MMP10: variants seen among roughly 807,000 people sequenced by gnomAD.
MMP10 encodes stromelysin-2.
In MMP10, 50 loss-of-function variants were observed where a neutral mutation model predicts 49.1. The observed-to-expected ratio is 1.02, with a 90% CI of 0.81 to 1.29. MMP10 has a LOEUF of 1.29. MMP10 is among the 50% of genes most tolerant of loss of function. The pLI is 0.00. For missense variants in MMP10, 613 were observed against 563.8 expected, an observed-to-expected ratio of 1.09 and a Z score of -0.88; for synonymous variants, 229 against 201.6, an observed-to-expected ratio of 1.14 and a Z score of -1.15.
In MMP10 at chr11:102,776,632, T is replaced by C; in HGVS notation, c.767A>G (p.Asn256Ser). Residue 256 changes from asparagine (N) to serine (S), a missense_variant, in exon 5 of 10, where the codon AAT (asparagine) becomes AGT (serine). Transcript: ENST00000279441. ...AQFRLSQDDV[N>S]GIQSLYGPPP... ...CTCACCGTAGAGAGACTGAATGCCATTCACATCATCTTGCGAAAGGCGGAA... is the reference window on the plus strand; with the variant it reads ...CTCACCGTAGAGAGACTGAATGCCACTCACATCATCTTGCGAAAGGCGGAA... 6.2e-7 allele frequency: 1 copy of C among 1,613,434 alleles called. No individual in the cohort carries two copies. The highest frequency in any genetic ancestry group is 2.2e-5 in the East Asian group (1 of 44,888).
chr11:102,771,174 G>A lies in MMP10; in HGVS notation c.1331-281C>T, dbSNP rs151319976. On this transcript the variant is annotated intron_variant, in intron 9 of 9. Transcript: ENST00000279441. ...AAGGAGGGAGGACTCCATCTCATCT[G>A]ACTCCAAAGGAAGTGCTCTAAAACA... is the stretch of plus-strand genomic sequence containing the variant. Among the ~76,000 whole-genome samples the A allele has an allele frequency of 1.6e-3, 244 of 152,298 alleles. 8 individuals carry two copies. In the East Asian group the frequency reaches 0.044, roughly 27 times the overall value.
Position 102,772,123 on chromosome 11 carries a change from A to G in MMP10, c.1227-8T>C, listed in dbSNP as rs781378869. 6.6e-7 allele frequency: 1 copy of G among 1,521,220 alleles called. No homozygotes were observed. The highest frequency in any genetic ancestry group is 9.1e-7 in the Non-Finnish European group (1 of 1,096,484). The allele number at this position is 1,521,220 out of a possible 1,614,324, so 94.2% of individuals were successfully genotyped here. On this transcript the variant is annotated splice_region_variant and splice_polypyrimidine_tract_variant and intron_variant, in intron 8 of 9. Transcript: ENST00000279441. This position sits in a 1 kb window ranked among gnomAD's most constrained non-coding sequence, Gnocchi z 4.4. ...TGGCTATTTTCATCAAATCTAAACC[A>G]AATGAAAGAAATACAGTTCAATGAT... is the stretch of plus-strand genomic sequence containing the variant.
At chr11:102,776,853 G>C (rs914323713) in intron 4 of MMP10, 77 bp from the exon 5 acceptor site, 12 of 1,535,292 alleles carry the variant, frequency 7.8e-6, no homozygotes, top group Non-Finnish European at 1.1e-5. Flanking sequence ...TATGCCAGCT[G>C]TACAGGCCAT....
chr11:102,775,479 A>T lies in MMP10; in HGVS notation c.933-158T>A, dbSNP rs80334408. Reference sequence around the variant, plus strand: ...CCAGGGTAATGAAATCGATGGCAGGACTTGTGACTGGTTCCAGTAAAATTA... The same window carrying T: ...CCAGGGTAATGAAATCGATGGCAGGTCTTGTGACTGGTTCCAGTAAAATTA... On this transcript the variant is annotated intron_variant, in intron 6 of 9. Coordinates refer to ENST00000279441, the MANE Select transcript of MMP10 (RefSeq NM_002425.3). Among the ~76,000 whole-genome samples the T allele has an allele frequency of 7.2e-3, 1,093 of 152,286 alleles. 22 individuals carry two copies. The highest frequency in any genetic ancestry group is 0.025 in the African/African-American group (1,042 of 41,552).
intron 5 of MMP10, 74 bp downstream of exon 5, chr11:102,776,538 A>G (rs1857740122): frequency 5.1e-6 from 8 of 1,573,498 alleles, no homozygotes; most frequent in Non-Finnish European, 6.9e-6. Flanking sequence ...GAAATACTTT[A>G]GGTAGCACTG....
chr11:102,778,263 A>G (rs1857773782), intron 4 of MMP10, among the ~76,000 whole-genome samples: 1 of 152,204 alleles, frequency 6.6e-6, no homozygotes, highest in South Asian at 2.1e-4. Flanking sequence ...ACCTGAGGGC[A>G]AATGTTAGGA....
chr11:102,779,262 G>A lies in MMP10; in HGVS notation c.447C>T (p.Ser149=), dbSNP rs1412977455. ...VWEEVTPLTF[S]RLYEGEADIM... is the part of the protein sequence containing the mutation. ...TATCAGCCTCTCCTTCATACAGCCT[G>A]GAGAATGTGAGTGGAGTCACCTCTT... Residue 149 remains serine (S), a synonymous_variant, in exon 3 of 10, where the codon TCC becomes TCT. Transcript: ENST00000279441. 1 of 1,613,910 alleles carries A rather than the reference G, an allele frequency of 6.2e-7. No homozygotes were observed.
intron 6 of MMP10, 143 bp from the exon 7 acceptor site, chr11:102,775,464 G>A: frequency 5.1e-6 from 3 of 592,574 alleles, no homozygotes; most frequent in Non-Finnish European, 8.4e-6. Context: ...CCAGGGTAAT[G>A]AAATCGATGG....
At chr11:102,771,113 T>G (rs1372436678) in intron 9 of MMP10, among the ~76,000 whole-genome samples, 3 of 152,204 alleles carry the variant, frequency 2.0e-5, no homozygotes, top group African/African-American at 7.2e-5. Flanking sequence ...TTAAGACGGT[T>G]TTGTAATTTT....
chr11:102,773,091 A>G (rs1861990806), intron 7 of MMP10, 85 bp from the exon 8 acceptor site: 23 of 1,354,982 alleles, frequency 1.7e-5, no homozygotes, highest in Non-Finnish European at 2.3e-5. Context: ...GTAAAGAGGA[A>G]GGCTTGGTTT....
chr11:102,777,869 A>G (rs1857768068), intron 4 of MMP10, among the ~76,000 whole-genome samples: 2 of 151,968 alleles, frequency 1.3e-5, no homozygotes, highest in African/African-American at 4.8e-5. Flanking sequence ...GTACAGTGGT[A>G]CAATCTCGGC....
chr11:102,776,831 A>G, intron 4 of MMP10, 55 bp from the exon 5 acceptor site: 1 of 1,597,958 alleles, frequency 6.3e-7, no homozygotes, highest in Non-Finnish European at 8.6e-7. Context: ...CCATAAATAC[A>G]CATACAGAAC....
In MMP10 at chr11:102,779,656, T is replaced by G. The variant is rs955400587; in HGVS notation, c.195A>C (p.Gly65=). Residue 65 remains glycine, a synonymous_variant, in exon 2 of 10, where the codon GGA becomes GGC. Coordinates refer to ENST00000279441, the MANE Select transcript of MMP10 (RefSeq NM_002425.3). ...CCTCCAACCCAAGGAACTTCTGCATTCCTTGGATTTTTTTAACAATGAGAT... is the reference window on the plus strand; with the variant it reads ...CCTCCAACCCAAGGAACTTCTGCATGCCTTGGATTTTTTTAACAATGAGAT... The part of the protein sequence containing the change: ...DSNLIVKKIQ[G]MQKFLGLEVT... 1 of 1,614,040 alleles carries G rather than the reference T, an allele frequency of 6.2e-7. No individual in the cohort carries two copies.
chr11:102,778,857 A>T (rs1857783603), intron 3 of MMP10, 108 bp from the exon 4 acceptor site: 1 of 1,331,348 alleles, frequency 7.5e-7, no homozygotes, highest in Admixed American at 2.1e-5. Flanking sequence ...GTCTGCTGCA[A>T]ATTCATATGT....
At chr11:102,771,844 A>ACACACAC (rs1337099637) in intron 9 of MMP10, among the ~76,000 whole-genome samples, 168 bp downstream of exon 9, 3 of 139,742 alleles carry the variant, frequency 2.1e-5, no homozygotes, top group Non-Finnish European at 4.8e-5. Context: ...CACACACACA[A>ACACACAC]ATTTAAACCC....
At position 102,779,228 on chromosome 11, in the gene MMP10, A is replaced by C. The variant is rs374140620; in HGVS notation, c.481T>G (p.Ser161Ala). 4.9e-5 allele frequency: 79 copies of C among 1,613,180 alleles called. No homozygotes were observed. Among genetic ancestry groups the C allele is most frequent in the Non-Finnish European group, 5.7e-5 (67 of 1,179,996 alleles). ...ATTTGATTACCTTTAACTGCAAAAGAGATCATTATATCAGCCTCTCCTTCA... is the reference window on the plus strand; with the variant it reads ...ATTTGATTACCTTTAACTGCAAAAGCGATCATTATATCAGCCTCTCCTTCA... ...LYEGEADIMI[S>A]FAVKEHGDFY... Residue 161 changes from serine to alanine, a missense_variant, in exon 3 of 10, where the codon TCT becomes GCT. Transcript: ENST00000279441.
In MMP10 at chr11:102,780,548, C is replaced by A; in HGVS notation, c.44G>T (p.Cys15Phe). 1 of 1,613,934 alleles carries A rather than the reference C, an allele frequency of 6.2e-7. No homozygotes were observed. Among genetic ancestry groups the A allele is most frequent in the Non-Finnish European group, 8.5e-7 (1 of 1,179,932 alleles). The change falls in exon 1 of 10, where the codon TGC becomes TTC. Residue 15 changes from cysteine (C) to phenylalanine (F), a missense_variant. Coordinates refer to ENST00000279441, the MANE Select transcript of MMP10 (RefSeq NM_002425.3). The part of the protein sequence containing the change: ...AFLVLLCLPV[C>F]SAYPLSGAAK... ...TGCCCCACTCAGAGGATAGGCAGAG[C>A]AGACTGGCAGACACAACAGCACAAG...
At position 102,772,093 on chromosome 11, in the gene MMP10, T is replaced by C. The variant is rs758360466; in HGVS notation, c.1249A>G (p.Met417Val). ...YWRFDENSQS[M>V]EQGFPRLIAD... ...ATTAGTCTAGGGAAGCCTTGCTCCA[T>C]GGACTGGCTATTTTCATCAAATCTA... Residue 417 changes from methionine (M) to valine (V), a missense_variant, in exon 9 of 10, where the codon ATG becomes GTG. Transcript: ENST00000279441. The surrounding 1 kb of genome is among the most constrained non-coding windows in gnomAD (Gnocchi z 4.4). 5.0e-6 allele frequency: 8 copies of C among 1,612,696 alleles called. No homozygotes were observed. Among genetic ancestry groups the C allele is most frequent in the South Asian group, 3.3e-5 (3 of 91,042 alleles).
At chr11:102,774,046 T>G (rs1861999087) in intron 7 of MMP10, among the ~76,000 whole-genome samples, 1 of 152,228 alleles carries the variant, frequency 6.6e-6, no homozygotes, top group South Asian at 2.1e-4. Context: ...TTCACATAAG[T>G]GAGATTGCCA....
Sources: allele counts gnomAD v4.1 joint callset (sites outside exome capture counted in the v4.1 genomes callset), GRCh38; gene constraint gnomAD v4.1.1; non-coding constraint Gnocchi (gnomAD v3.1); transcripts MANE v1.5; gene names NCBI Gene and HGNC (gene_info 2026-07-23, HGNC 2026-07-21).